The following TIMP3 variants were observed in gnomAD, a reference collection of about 807,000 sequenced individuals.
TIMP3 encodes the protein metalloproteinase inhibitor 3.
A neutral mutation model predicts 30.0 loss-of-function variants in TIMP3; 11 were observed. The observed-to-expected ratio is 0.37, with a 90% CI of 0.23 to 0.61. The LOEUF (loss-of-function observed/expected upper bound fraction) is 0.61, where lower values mean the gene tolerates loss of function less well. Among genes scored for constraint, TIMP3 ranks in the 20% least tolerant of loss-of-function variants. TIMP3 has a pLI of 0.70. For synonymous variants in TIMP3, 112 were observed against 111.3 expected, an observed-to-expected ratio of 1.01 and a Z score of -0.04; for missense variants, 181 against 276.8, an observed-to-expected ratio of 0.65 and a Z score of 2.45.
Position 32,813,862 on chromosome 22 carries a change from G to C in TIMP3, c.121+11740G>C, listed in dbSNP as rs573080081. 5.7e-4 allele frequency among the ~76,000 whole-genome samples: 87 copies of C among 152,158 alleles called. 1 individual carries two copies. Among genetic ancestry groups the C allele is most frequent in the African/African-American group, 2.0e-3 (84 of 41,504 alleles). ...CAATAATAGTACTCTTAACCTCATA[G>C]GTTGTGGAAGAATTCACAGACACAA... On this transcript the variant is annotated intron_variant, in intron 1 of 4. Coordinates refer to ENST00000266085, the MANE Select transcript of TIMP3 (RefSeq NM_000362.5).
chr22:32,848,756 C>T (rs2048138640), intron 1 of TIMP3, among the ~76,000 whole-genome samples: 1 of 152,198 alleles, frequency 6.6e-6, no homozygotes, highest in South Asian at 2.1e-4. Context: ...AAGTTACTTA[C>T]TTGCATACAG....
At chr22:32,848,510 G>A (rs2048131678) in intron 1 of TIMP3, among the ~76,000 whole-genome samples, 1 of 152,090 alleles carries the variant, frequency 6.6e-6, no homozygotes, top group Non-Finnish European at 1.5e-5. Flanking sequence ...AAATGTACAT[G>A]GCACATAGTA....
chr22:32,818,916 G>A (rs1396551581), intron 1 of TIMP3, among the ~76,000 whole-genome samples: 1 of 152,178 alleles, frequency 6.6e-6, no homozygotes, highest in East Asian at 1.9e-4. Flanking sequence ...GCCAGCCAGC[G>A]GGGTCACTTG....
intron 1 of TIMP3, among the ~76,000 whole-genome samples, chr22:32,817,307 A>T (rs186808200): frequency 3.9e-5 from 6 of 152,264 alleles, no homozygotes; most frequent in Admixed American, 6.5e-5. Context: ...AAGCTCTGAG[A>T]AGTCCTGCTG....
At chr22:32,834,325 T>TA (rs1569262066) in intron 1 of TIMP3, among the ~76,000 whole-genome samples, 3 of 143,184 alleles carry the variant, frequency 2.1e-5, no homozygotes, top group African/African-American at 7.4e-5. Context: ...GCTAATTTAT[T>TA]TTTTTTTTTG....
intron 1 of TIMP3, among the ~76,000 whole-genome samples, chr22:32,816,379 G>A (rs1352381334): frequency 6.6e-6 from 1 of 152,104 alleles, no homozygotes; most frequent in African/African-American, 2.4e-5. Flanking sequence ...ACTGAAAATG[G>A]GTCATTGGGT....
intron 1 of TIMP3, among the ~76,000 whole-genome samples, chr22:32,812,784 C>G (rs1209288390): frequency 6.6e-6 from 1 of 152,302 alleles, no homozygotes; most frequent in South Asian, 2.1e-4. Context: ...TTAGATCAAA[C>G]GTGTGCCCCA....
At chr22:32,812,464 T>A (rs372542937) in intron 1 of TIMP3, among the ~76,000 whole-genome samples, 3 of 152,184 alleles carry the variant, frequency 2.0e-5, no homozygotes, top group Non-Finnish European at 4.4e-5. Context: ...TGGCTAGAAT[T>A]AAGACTCAAG....
At chr22:32,823,609 C>T (rs144953569) in intron 1 of TIMP3, among the ~76,000 whole-genome samples, 6 of 152,150 alleles carry the variant, frequency 3.9e-5, no homozygotes, top group African/African-American at 1.4e-4. Flanking sequence ...GAAGCATTGC[C>T]AAGAGCAACT....
At chr22:32,802,390 CCTTTT>C (rs2046613558) in intron 1 of TIMP3, among the ~76,000 whole-genome samples, 1 of 152,004 alleles carries the variant, frequency 6.6e-6, no homozygotes, top group Admixed American at 6.5e-5. Flanking sequence ...TCCTACCGGT[CCTTTT>C]GACATCTGGA....
At chr22:32,807,055 T>G (rs1255853787) in intron 1 of TIMP3, among the ~76,000 whole-genome samples, 1 of 151,134 alleles carries the variant, frequency 6.6e-6, no homozygotes, top group Non-Finnish European at 1.5e-5. Context: ...AATATATATA[T>G]AAAACTGTCA....
chr22:32,802,629 A>C lies in TIMP3; in HGVS notation c.121+507A>C, dbSNP rs79738219. On this transcript the variant is annotated intron_variant, in intron 1 of 4. Transcript: ENST00000266085. Reference sequence around the variant, plus strand: ...AAATTCATTCTTTTCACTGAGACCCAACCCAGCTGCAGGCTTCCCAGGCAA... The same window carrying C: ...AAATTCATTCTTTTCACTGAGACCCCACCCAGCTGCAGGCTTCCCAGGCAA... Among the ~76,000 whole-genome samples, 1,169 of 152,192 alleles carry C rather than the reference A, an allele frequency of 7.7e-3. 11 individuals are homozygous for C. The highest frequency in any genetic ancestry group is 0.026 in the African/African-American group (1,059 of 41,504).
At chr22:32,824,709 G>GA (rs1466585614) in intron 1 of TIMP3, among the ~76,000 whole-genome samples, 1 of 152,134 alleles carries the variant, frequency 6.6e-6, no homozygotes, top group Non-Finnish European at 1.5e-5. Flanking sequence ...CCCTTCATAG[G>GA]AAACATTTGG....
At chr22:32,821,237 A>G (rs906402394) in intron 1 of TIMP3, among the ~76,000 whole-genome samples, 1 of 152,182 alleles carries the variant, frequency 6.6e-6, no homozygotes, top group African/African-American at 2.4e-5. Context: ...GGTTTTCCCA[A>G]TTGCAAAATG....
Position 32,859,314 on chromosome 22 carries a change from C to T in TIMP3, c.573C>T (p.Tyr191=), listed in dbSNP as rs763364042. 26 of 1,613,998 alleles carry T rather than the reference C, an allele frequency of 1.6e-5. No individual in the cohort carries two copies. Among genetic ancestry groups the T allele is most frequent in the Admixed American group, 5.0e-5 (3 of 60,002 alleles). The part of the protein sequence containing the change: ...HYACIRQKGG[Y]CSWYRGWAPP... ...CCTGCATCCGGCAGAAGGGCGGCTA[C>T]TGCAGCTGGTACCGAGGATGGGCCC... Residue 191 remains tyrosine, a synonymous_variant, in exon 5 of 5, where the codon TAC becomes TAT. Coordinates refer to ENST00000266085, the MANE Select transcript of TIMP3 (RefSeq NM_000362.5).
Position 32,859,355 on chromosome 22 carries a change from T to G in TIMP3, c.614T>G (p.Ile205Ser). The G allele has an allele frequency of 1.2e-6, 2 of 1,612,176 alleles. No homozygotes were observed. Among genetic ancestry groups the G allele is most frequent in the Non-Finnish European group, 1.7e-6 (2 of 1,180,018 alleles). ...YRGWAPPDKSIINATDP is the reference protein window; with the variant it reads ...YRGWAPPDKSSINATDP Reference sequence around the variant, plus strand: ...GGATGGGCCCCCCCGGATAAAAGCATCATCAATGCCACAGACCCCTGAGCG... The same window carrying G: ...GGATGGGCCCCCCCGGATAAAAGCAGCATCAATGCCACAGACCCCTGAGCG... Residue 205 changes from isoleucine (I) to serine (S), a missense_variant, in exon 5 of 5, where the codon ATC becomes AGC. Physicochemically the swap from Ile to Ser is moderately radical, Grantham distance 142. Transcript: ENST00000266085.
At position 32,802,250 on chromosome 22, in the gene TIMP3, G is replaced by T. The variant is rs568498482; in HGVS notation, c.121+128G>T. On this transcript the variant is annotated intron_variant, in intron 1 of 4. Transcript: ENST00000266085. ...GAGGGGCAGACGGGGTTGGGGCGGA[G>T]TGGAGAAACTCGATGTCCTTGGGCG... The T allele has an allele frequency of 1.7e-5, 24 of 1,373,138 alleles. No homozygotes were observed. In the African/African-American group the frequency reaches 3.4e-4, roughly 19 times the overall value. The allele number at this position is 1,373,138 out of a possible 1,614,324, so 85.1% of individuals were successfully genotyped here. A position where few individuals can be genotyped will look rare whatever the true frequency, so the allele number is the denominator to read the frequency against.
At chr22:32,848,945 G>C (rs574014027) in intron 1 of TIMP3, among the ~76,000 whole-genome samples, 131 of 152,294 alleles carry the variant, frequency 8.6e-4, no homozygotes, top group Non-Finnish European at 1.6e-3. Context: ...TGGGGGCACT[G>C]TGGGAAGCTA....
At position 32,849,517 on chromosome 22, in the gene TIMP3, A is replaced by G. The variant is rs754619737; in HGVS notation, c.187A>G (p.Thr63Ala). Reference sequence around the variant, plus strand: ...GGGGCCCTTCGGCACGCTGGTCTACACCATCAAGCAGATGAAGGTAGGTAA... The same window carrying G: ...GGGGCCCTTCGGCACGCTGGTCTACGCCATCAAGCAGATGAAGGTAGGTAA... ...KEGPFGTLVY[T>A]IKQMKMYRGF... is the part of the protein sequence containing the mutation. Residue 63 changes from threonine to alanine, a missense_variant, in exon 2 of 5, where the codon ACC becomes GCC. By Grantham distance (58) the Thr-to-Ala change is moderately conservative (BLOSUM62 0). Transcript: ENST00000266085. 1.6e-5 allele frequency: 26 copies of G among 1,613,364 alleles called. No homozygotes were observed. The East Asian group carries it at 5.4e-4, about 33-fold the overall frequency.
Sources: allele counts gnomAD v4.1 joint callset (sites outside exome capture counted in the v4.1 genomes callset), GRCh38; gene constraint gnomAD v4.1.1; transcripts MANE v1.5; gene names NCBI Gene and HGNC (gene_info 2026-07-23, HGNC 2026-07-21).